Variants in ZNF831 observed in about 807,000 individuals in gnomAD.
The protein encoded by ZNF831 is chromosome 20 open reading frame 174.
Under a neutral mutation model 95.8 loss-of-function variants are expected in ZNF831, and 59 were observed. The observed-to-expected ratio is 0.62, with a 90% CI of 0.50 to 0.77. The LOEUF (loss-of-function observed/expected upper bound fraction) is 0.77. Ranked by LOEUF, ZNF831 falls within the 30% of genes least tolerant of loss-of-function variation. ZNF831 has a pLI of 0.00. For missense variants in ZNF831, 2,205 were observed against 2,164.0 expected (o/e 1.02, Z -0.38); for synonymous variants, 961 against 925.5 (o/e 1.04, Z -0.70).
At position 59,169,582 on chromosome 20, in the gene ZNF831, G is replaced by A. The variant is rs113585461; in HGVS notation, c.-37+5375G>A. ...GGAGTTCGAAACCAGCCTGGCCAAC[G>A]TGGTGAAATCCTGTCTCTACTAAAA... is the stretch of plus-strand genomic sequence containing the variant. On this transcript the variant is annotated intron_variant, in intron 1 of 5. Coordinates refer to ENST00000371030, the MANE Select transcript of ZNF831 (RefSeq NM_178457.3). This position sits in a 1 kb window ranked among gnomAD's most constrained non-coding sequence, Gnocchi z 4.1. Among the ~76,000 whole-genome samples the A allele has an allele frequency of 5.9e-5, 9 of 151,994 alleles. No individual in the cohort carries two copies. The highest frequency in any genetic ancestry group is 1.4e-4 in the African/African-American group (6 of 41,456).
At chr20:59,182,261 G>C (rs532631415) in intron 1 of ZNF831, among the ~76,000 whole-genome samples, 1 of 152,308 alleles carries the variant, frequency 6.6e-6, no homozygotes, top group Non-Finnish European at 1.5e-5. Context: ...GTCTCAGGCA[G>C]ATCAAGGTAA....
Position 59,193,632 on chromosome 20 carries a change from G to A in ZNF831, c.2613G>A (p.Glu871=), listed in dbSNP as rs1268653788. ...GGGAGGTGCCAGGGGGCTCAAAGGA[G>A]AGTGCCAGGCAGGTGGGCGAGCCTC... is the stretch of plus-strand genomic sequence containing the variant. ...DPGEVPGGSK[E]SARQVGEPLE... The change falls in exon 2 of 6, where the codon GAG becomes GAA. Residue 871 remains glutamate (E), a synonymous_variant. Coordinates refer to ENST00000371030, the MANE Select transcript of ZNF831 (RefSeq NM_178457.3). The A allele has an allele frequency of 5.2e-5, 84 of 1,612,480 alleles. No homozygotes were observed. The highest frequency in any genetic ancestry group is 7.0e-5 in the Non-Finnish European group (82 of 1,179,602).
In ZNF831 at chr20:59,167,567, AG is replaced by A. The variant is rs576311159; in HGVS notation, c.-37+3361del. On this transcript the variant is annotated intron_variant, in intron 1 of 5. Transcript: ENST00000371030. ...TTTCTCCTGTGCTTTTTTTCCCCTA[AG>A]CTTTTACAGTTTTATATTTCACATT... Among the ~76,000 whole-genome samples the A allele has an allele frequency of 7.2e-3, 1,102 of 152,106 alleles. 6 individuals carry two copies. The highest frequency in any genetic ancestry group is 0.014 in the Middle Eastern group (4 of 294).
At chr20:59,226,919 G>A (rs1354991667) in intron 4 of ZNF831, among the ~76,000 whole-genome samples, 1 of 151,946 alleles carries the variant, frequency 6.6e-6, no homozygotes, top group Admixed American at 6.6e-5. Context: ...TCTATCCATA[G>A]CCATAAGCAC....
chr20:59,253,874 T>G (rs958271344), intron 5 of ZNF831, 24 bp from the exon 6 acceptor site: 10 of 824,560 alleles, frequency 1.2e-5, no homozygotes, highest in East Asian at 5.4e-5. Context: ...CCCCACTTTT[T>G]TTTTCCTTTG....
intron 2 of ZNF831, among the ~76,000 whole-genome samples, chr20:59,148,588 G>T (rs1489825764): frequency 7.5e-6 from 1 of 132,902 alleles, no homozygotes; most frequent in Non-Finnish European, 1.6e-5. Flanking sequence ...GCTGAGGCAG[G>T]AGAATGGCGT....
chr20:59,185,340 A>C (rs1982931458), intron 1 of ZNF831, among the ~76,000 whole-genome samples: 1 of 152,182 alleles, frequency 6.6e-6, no homozygotes, highest in Non-Finnish European at 1.5e-5. Context: ...TGCAGAGAGC[A>C]CAAAATGATC....
upstream of ZNF831, among the ~76,000 whole-genome samples, chr20:59,162,163 G>A (rs1244555483): frequency 6.6e-6 from 1 of 152,052 alleles, no homozygotes; most frequent in Non-Finnish European, 1.5e-5. Context: ...GACCTCTGTT[G>A]GCTGCATAGT....
At chr20:59,128,642 A>G (rs1979253720) in intron 1 of ZNF831, among the ~76,000 whole-genome samples, 1 of 152,206 alleles carries the variant, frequency 6.6e-6, no homozygotes, top group South Asian at 2.1e-4. Context: ...ATGAGATGGT[A>G]GCCACTTGTT....
chr20:59,166,007 C>T (rs1010729586), intron 1 of ZNF831, among the ~76,000 whole-genome samples: 2 of 152,140 alleles, frequency 1.3e-5, no homozygotes, highest in African/African-American at 4.8e-5. Flanking sequence ...CTGCCTCGGC[C>T]TCCCAAAGTG....
intron 4 of ZNF831, among the ~76,000 whole-genome samples, chr20:59,243,948 T>C (rs188908116): frequency 1.8e-4 from 27 of 152,196 alleles, no homozygotes; most frequent in African/African-American, 5.3e-4. Context: ...AATTTTTTTT[T>C]CCCTTCATTT....
chr20:59,244,400 A>G (rs960676768), intron 4 of ZNF831, among the ~76,000 whole-genome samples: 2 of 152,196 alleles, frequency 1.3e-5, no homozygotes, highest in Non-Finnish European at 1.5e-5. Context: ...TCTTCTGGTA[A>G]GAGGACTGAT....
At chr20:59,179,057 G>A (rs1035294875) in intron 1 of ZNF831, among the ~76,000 whole-genome samples, 1 of 152,158 alleles carries the variant, frequency 6.6e-6, no homozygotes, top group African/African-American at 2.4e-5. Context: ...TCATTACAGA[G>A]CACCTCTTCC....
intron 4 of ZNF831, among the ~76,000 whole-genome samples, chr20:59,243,109 A>G (rs1290476430): frequency 6.6e-6 from 1 of 152,242 alleles, no homozygotes; most frequent in Non-Finnish European, 1.5e-5. Context: ...GGGATGAGGG[A>G]GACCTCTATT....
chr20:59,215,527 A>G (rs1209189727), intron 4 of ZNF831, among the ~76,000 whole-genome samples: 1 of 152,260 alleles, frequency 6.6e-6, no homozygotes, highest in Non-Finnish European at 1.5e-5. Flanking sequence ...TAGGAAGCTC[A>G]TATGCATTTA....
chr20:59,139,577 G>T (rs1375289818), intron 1 of ZNF831, among the ~76,000 whole-genome samples: 2 of 152,106 alleles, frequency 1.3e-5, no homozygotes, highest in African/African-American at 2.4e-5. Context: ...CAACTGACCA[G>T]CATCAGTGCA....
At chr20:59,202,773 G>T (rs1568766337) in intron 3 of ZNF831, among the ~76,000 whole-genome samples, 1 of 152,102 alleles carries the variant, frequency 6.6e-6, no homozygotes, top group Non-Finnish European at 1.5e-5. Context: ...AAATAGGAAG[G>T]TCATCCTCAT....
chr20:59,188,216 C>A (rs1389134563), intron 1 of ZNF831, among the ~76,000 whole-genome samples: 1 of 152,204 alleles, frequency 6.6e-6, no homozygotes, highest in African/African-American at 2.4e-5. Flanking sequence ...TTTTGAGGAA[C>A]TACCCAGTTG....
At chr20:59,219,326 G>A (rs927713814) in intron 4 of ZNF831, among the ~76,000 whole-genome samples, 1 of 152,144 alleles carries the variant, frequency 6.6e-6, no homozygotes, top group African/African-American at 2.4e-5. Flanking sequence ...GTAATTACTG[G>A]GGCCTGTTCT....
Sources: gnomAD v4.1 joint callset for allele counts (sites outside exome capture counted in the v4.1 genomes callset) on GRCh38, gnomAD v4.1.1 for gene constraint, Gnocchi (gnomAD v3.1) non-coding constraint, MANE v1.5 for transcripts, NCBI Gene and HGNC (gene_info 2026-07-23, HGNC 2026-07-21) for gene names.